Variants in TMEM132D observed in about 807,000 individuals in gnomAD.
TMEM132D encodes mature OL transmembrane protein.
A neutral mutation model predicts 62.3 loss-of-function variants in TMEM132D; 21 were observed. That is an observed-to-expected ratio of 0.34 (90% confidence interval 0.24 to 0.49). The LOEUF is 0.49. Among genes scored for constraint, TMEM132D ranks in the 20% least tolerant of loss-of-function variants. The pLI is 0.99. For synonymous variants in TMEM132D, 621 were observed against 575.6 expected (o/e 1.08, Z -1.13); for missense variants, 1,346 against 1,402.8 (o/e 0.96, Z 0.65).
At chr12:129,350,700 T>A (rs867844285) in intron 3 of TMEM132D, among the ~76,000 whole-genome samples, 1 of 152,242 alleles carries the variant, frequency 6.6e-6, no homozygotes, top group East Asian at 1.9e-4. Context: ...CCACTTCCAG[T>A]TGCCCTGGCA....
chr12:129,684,118 T>TATA (rs930080910), intron 2 of TMEM132D, among the ~76,000 whole-genome samples: 1 of 151,974 alleles, frequency 6.6e-6, no homozygotes, highest in African/African-American at 2.4e-5. Flanking sequence ...CCCAAATAAT[T>TATA]ATAATAATAA....
intron 4 of TMEM132D, among the ~76,000 whole-genome samples, chr12:129,244,385 CAAAAAA>C (rs751155633): frequency 0.048 from 4,083 of 85,254 alleles, 83 homozygotes; most frequent in South Asian, 0.095. Flanking sequence ...GACTCTGTCT[CAAAAAA>C]AAAAAAAAAA....
intron 2 of TMEM132D, among the ~76,000 whole-genome samples, chr12:129,624,766 C>G (rs910943897): frequency 2.6e-5 from 4 of 152,234 alleles, no homozygotes; most frequent in African/African-American, 4.8e-5. Context: ...AACCAGACAG[C>G]AAGGCAGTCC....
chr12:129,449,022 C>T (rs768253272), intron 3 of TMEM132D, among the ~76,000 whole-genome samples: 31 of 152,150 alleles, frequency 2.0e-4, no homozygotes, highest in Non-Finnish European at 2.8e-4. Context: ...AATAAGATAA[C>T]GGTGAAGACT....
chr12:129,592,193 A>T (rs1878206910), intron 2 of TMEM132D, among the ~76,000 whole-genome samples: 2 of 150,376 alleles, frequency 1.3e-5, no homozygotes, highest in African/African-American at 4.9e-5. Flanking sequence ...ATTGTAAGAA[A>T]CTACTGAATA....
chr12:129,824,445 G>A (rs905122), intron 1 of TMEM132D, among the ~76,000 whole-genome samples: 58,043 of 151,178 alleles, frequency 0.38, 12,220 homozygotes, highest in South Asian at 0.51. Flanking sequence ...GCCCTCCCCC[G>A]CCCCCAGAAT....
intron 1 of TMEM132D, among the ~76,000 whole-genome samples, chr12:129,720,476 A>T (rs990189850): frequency 6.6e-6 from 1 of 152,232 alleles, no homozygotes. Context: ...AAGTCTTAAA[A>T]AGCTGAAAAA....
At chr12:129,286,050 C>T (rs148754377) in intron 4 of TMEM132D, among the ~76,000 whole-genome samples, 6 of 152,248 alleles carry the variant, frequency 3.9e-5, no homozygotes, top group South Asian at 4.1e-4. Flanking sequence ...TTTAGATGAA[C>T]GGTTTACAGA....
Position 129,790,503 on chromosome 12 carries a change from C to T in TMEM132D, c.80-89805G>A, listed in dbSNP as rs142085944. On this transcript the variant is annotated intron_variant, in intron 1 of 8. Transcript: ENST00000422113. ...GGGCTGTCCCCGGCTGGACTCCTCT[C>T]CAAAGCAACACCATCAAGCCGTCCC... Among the ~76,000 whole-genome samples, 952 of 152,280 alleles carry T rather than the reference C, an allele frequency of 6.3e-3. 13 individuals carry two copies. The highest frequency in any genetic ancestry group is 0.022 in the African/African-American group (916 of 41,554).
intron 3 of TMEM132D, among the ~76,000 whole-genome samples, chr12:129,480,293 G>A (rs1874390002): frequency 6.6e-6 from 1 of 152,250 alleles, no homozygotes; most frequent in South Asian, 2.1e-4. Flanking sequence ...GAGCCATACT[G>A]TGCAAACCCC....
intron 5 of TMEM132D, among the ~76,000 whole-genome samples, chr12:129,134,136 G>GTGTC (rs1555231904): frequency 6.3e-5 from 6 of 95,400 alleles, no homozygotes; most frequent in African/African-American, 2.1e-4. Flanking sequence ...GTGTGTGTCT[G>GTGTC]TGTGTGTGTG....
intron 1 of TMEM132D, among the ~76,000 whole-genome samples, chr12:129,884,569 C>T (rs1389726877): frequency 1.3e-5 from 2 of 152,210 alleles, no homozygotes; most frequent in Admixed American, 6.5e-5. Context: ...TGAAGTACCA[C>T]TACACATGTA....
At chr12:129,624,421 G>A (rs1029521620) in intron 2 of TMEM132D, among the ~76,000 whole-genome samples, 3 of 152,212 alleles carry the variant, frequency 2.0e-5, no homozygotes, top group Non-Finnish European at 4.4e-5. Context: ...ACATGTGAGT[G>A]GAACAAAGAA....
At chr12:129,668,842 C>T (rs1880438006) in intron 2 of TMEM132D, among the ~76,000 whole-genome samples, 1 of 152,158 alleles carries the variant, frequency 6.6e-6, no homozygotes, top group Non-Finnish European at 1.5e-5. Context: ...GGTATGCTCC[C>T]CTTCAAGAAT....
At chr12:129,738,253 C>T (rs1409134236) in intron 1 of TMEM132D, among the ~76,000 whole-genome samples, 1 of 152,222 alleles carries the variant, frequency 6.6e-6, no homozygotes, top group East Asian at 1.9e-4. Flanking sequence ...AAAATAATCA[C>T]TAGCTGCCTC....
chr12:129,276,572 G>A (rs370214848), intron 4 of TMEM132D, among the ~76,000 whole-genome samples: 19 of 152,250 alleles, frequency 1.2e-4, no homozygotes, highest in African/African-American at 3.6e-4. Context: ...TCGTGCAGGC[G>A]TGTGATACAT....
intron 2 of TMEM132D, among the ~76,000 whole-genome samples, chr12:129,675,002 C>T (rs1880593498): frequency 1.3e-5 from 2 of 151,980 alleles, no homozygotes; most frequent in Admixed American, 1.3e-4. Flanking sequence ...TTTTTGTTTC[C>T]TCTCAACAGC....
At chr12:129,170,839 A>T (rs946851373) in intron 5 of TMEM132D, among the ~76,000 whole-genome samples, 2 of 152,096 alleles carry the variant, frequency 1.3e-5, no homozygotes, top group Non-Finnish European at 2.9e-5. Flanking sequence ...AAAAATGCTA[A>T]TGATAATCTA....
intron 3 of TMEM132D, among the ~76,000 whole-genome samples, chr12:129,466,263 G>A (rs571492277): frequency 6.8e-6 from 1 of 146,794 alleles, no homozygotes; most frequent in African/African-American, 2.5e-5. Flanking sequence ...GTATAACAGT[G>A]GCTGGTAGAT....
Sources: allele counts gnomAD v4.1 joint callset (sites outside exome capture counted in the v4.1 genomes callset), GRCh38; gene constraint gnomAD v4.1.1; transcripts MANE v1.5; gene names NCBI Gene and HGNC (gene_info 2026-07-23, HGNC 2026-07-21).